The following PUS7 variants were observed in gnomAD, a reference collection of about 807,000 sequenced individuals.
PUS7 encodes pseudouridylate synthase 7 homolog.
In PUS7, 48 loss-of-function variants were observed where a neutral mutation model predicts 79.8. The observed-to-expected ratio is 0.60, with a 90% CI of 0.48 to 0.76. The LOEUF (loss-of-function observed/expected upper bound fraction) is 0.76. Among genes scored for constraint, PUS7 ranks in the 30% least tolerant of loss-of-function variants. The pLI is 0.00. For synonymous variants in PUS7, 286 were observed against 272.2 expected, an observed-to-expected ratio of 1.05 and a Z score of -0.50; for missense variants, 729 against 797.6, an observed-to-expected ratio of 0.91 and a Z score of 1.04.
At chr7:105,521,233 TGGGG>T (rs1025961955) in intron 1 of PUS7, among the ~76,000 whole-genome samples, 1 of 140,518 alleles carries the variant, frequency 7.1e-6, no homozygotes, top group Non-Finnish European at 1.6e-5. Flanking sequence ...GGCTTGGGGA[TGGGG>T]GGGAGGGAAC....
intron 1 of PUS7, among the ~76,000 whole-genome samples, chr7:105,518,970 G>A (rs1323488577): frequency 6.6e-6 from 1 of 151,776 alleles, no homozygotes; most frequent in Admixed American, 6.6e-5. Context: ...GGCTTTCACC[G>A]TGTTATCCAA....
intron 2 of PUS7, among the ~76,000 whole-genome samples, chr7:105,506,887 A>T (rs1825485930): frequency 6.6e-6 from 1 of 152,186 alleles, no homozygotes. Flanking sequence ...ACACTAAATT[A>T]AATCACAAAA....
At chr7:105,506,154 A>G in intron 3 of PUS7, 35 bp downstream of exon 3, 1 of 1,404,418 alleles carries the variant, frequency 7.1e-7, no homozygotes, top group Non-Finnish European at 1.0e-6. Flanking sequence ...CTATTTTTAT[A>G]CAGAAGGTGA....
chr7:105,508,871 TAAAA>T (rs34249093), intron 1 of PUS7, among the ~76,000 whole-genome samples: 5 of 22,926 alleles, frequency 2.2e-4, no homozygotes, highest in East Asian at 1.2e-3. Context: ...GACATTGTCT[TAAAA>T]AAAAAAAAAA....
At chr7:105,459,293 G>A in intron 14 of PUS7, 34 bp from the exon 15 acceptor site, 1 of 1,440,382 alleles carries the variant, frequency 6.9e-7, no homozygotes, top group Middle Eastern at 1.8e-4. Flanking sequence ...AAGTGTGAAT[G>A]TGAACTTTCA....
At chr7:105,505,481 T>C (rs1195162865) in intron 4 of PUS7, among the ~76,000 whole-genome samples, 3 of 152,238 alleles carry the variant, frequency 2.0e-5, no homozygotes, top group African/African-American at 7.2e-5. Context: ...GAATCTGACC[T>C]GGGTCACATA....
intron 2 of PUS7, among the ~76,000 whole-genome samples, chr7:105,506,909 G>T (rs1326901671): frequency 6.6e-6 from 1 of 152,122 alleles, no homozygotes; most frequent in Non-Finnish European, 1.5e-5. Context: ...ATGCTATATG[G>T]TTAATTGAAT....
At chr7:105,521,348 G>A (rs1826102845) in intron 1 of PUS7, among the ~76,000 whole-genome samples, 1 of 152,208 alleles carries the variant, frequency 6.6e-6, no homozygotes, top group South Asian at 2.1e-4. Flanking sequence ...GGCAGGCAAC[G>A]AAGGTGTGCT....
At chr7:105,468,953 G>A (rs1045508696) in intron 11 of PUS7, among the ~76,000 whole-genome samples, 7 of 152,142 alleles carry the variant, frequency 4.6e-5, no homozygotes, top group Admixed American at 4.6e-4. Flanking sequence ...CCAGGCTGGA[G>A]TGCAGTGGCA....
intron 1 of PUS7, among the ~76,000 whole-genome samples, chr7:105,514,815 G>A (rs1020265907): frequency 8.8e-5 from 13 of 147,022 alleles, no homozygotes; most frequent in Non-Finnish European, 1.5e-4. Flanking sequence ...TTTTTGAGAC[G>A]GAGTCTCGCT....
Position 105,485,947 on chromosome 7 carries a change from A to AC in PUS7, c.921-3508dup, listed in dbSNP as rs35037608. On this transcript the variant is annotated intron_variant, in intron 7 of 15. Transcript: ENST00000469408. ...GAAGCTGGGACTACCGGCATGCACC[A>AC]CCATGCCTGCCCACCCTGGCCTCCG... Among the ~76,000 whole-genome samples, 306 of 151,898 alleles carry AC rather than the reference A, an allele frequency of 2.0e-3. 5 individuals carry two copies. Among genetic ancestry groups the AC allele is most frequent in the Non-Finnish European group, 1.0e-3 (69 of 67,942 alleles).
chr7:105,499,804 TA>T (rs554373030), intron 5 of PUS7, among the ~76,000 whole-genome samples: 1,864 of 151,412 alleles, frequency 0.012, 38 homozygotes, highest in African/African-American at 0.042. Context: ...GTAATACAGC[TA>T]AAAAAAAACT....
At chr7:105,470,936 T>G (rs1017322767) in intron 10 of PUS7, 88 bp from the exon 11 acceptor site, 1 of 1,356,362 alleles carries the variant, frequency 7.4e-7, no homozygotes, top group Non-Finnish European at 9.8e-7. Flanking sequence ...AACACAAAAT[T>G]AGAAAATGCT....
chr7:105,500,729 A>T (rs761033445), intron 5 of PUS7, among the ~76,000 whole-genome samples: 6 of 152,172 alleles, frequency 3.9e-5, no homozygotes, highest in Non-Finnish European at 7.4e-5. Flanking sequence ...TCTCCTCTCC[A>T]TCTACAGTAG....
Position 105,508,467 on chromosome 7 carries a change from G to A in PUS7, c.46C>T (p.Leu16=), listed in dbSNP as rs776126568. 1.9e-6 allele frequency: 3 copies of A among 1,613,930 alleles called. No individual in the cohort carries two copies. The highest frequency in any genetic ancestry group is 1.7e-6 in the Non-Finnish European group (2 of 1,180,030). Residue 16 remains leucine (L), a synonymous_variant, in exon 2 of 16, where the codon CTG becomes TTG. Coordinates refer to ENST00000469408, the MANE Select transcript of PUS7 (RefSeq NM_019042.5). ...MTGVSLKRGA[L]VVEDNDSGVP... is the part of the protein sequence containing the mutation. ...CCACTGTCATTATCTTCGACAACCA[G>A]TGCCCCACGTTTCAGCGACACACCA...
At chr7:105,495,052 C>A in intron 6 of PUS7, 90 bp downstream of exon 6, 1 of 651,446 alleles carries the variant, frequency 1.5e-6, no homozygotes, top group Non-Finnish European at 2.7e-6. Flanking sequence ...GTAATCTGTG[C>A]TCCTCCTGCT....
Position 105,504,070 on chromosome 7 carries a change from C to CTTTT in PUS7, c.586-1510_586-1507dup, listed in dbSNP as rs11455671. ...CTGCTACTGGCTAAACTTGATGACA[C>CTTTT]TTTTTTTTTTTTTTTTGAGACACAG... On this transcript the variant is annotated intron_variant, in intron 4 of 15. Coordinates refer to ENST00000469408, the MANE Select transcript of PUS7 (RefSeq NM_019042.5). 5.1e-4 allele frequency among the ~76,000 whole-genome samples: 70 copies of CTTTT among 137,004 alleles called. 1 individual carries two copies. The highest frequency in any genetic ancestry group is 7.7e-4 in the Non-Finnish European group (49 of 63,708). 89.9% of individuals were successfully genotyped at this position (137,004 alleles called of 152,430 possible).
intron 1 of PUS7, among the ~76,000 whole-genome samples, chr7:105,510,478 TAACTC>T (rs1245936010): frequency 6.6e-6 from 1 of 152,138 alleles, no homozygotes; most frequent in African/African-American, 2.4e-5. Context: ...TGAATACACT[TAACTC>T]TACTGAACTG....
rs527240411 is a variant in PUS7, at chr7:105,514,590, C to T, written c.-32-6046G>A. Among the ~76,000 whole-genome samples the T allele has an allele frequency of 4.0e-5, 6 of 151,514 alleles. No individual in the cohort carries two copies. In the East Asian group the frequency reaches 9.8e-4, roughly 25 times the overall value. On this transcript the variant is annotated intron_variant, in intron 1 of 15. Transcript: ENST00000469408. The stretch of plus-strand genomic sequence containing the variant: ...CTGTACTCCAGCCTGGGTGACAGAG[C>T]GAGACTCCATCTCAAAAAAAAGAAA...
Sources: gnomAD v4.1 joint callset for allele counts (sites outside exome capture counted in the v4.1 genomes callset) on GRCh38, gnomAD v4.1.1 for gene constraint, MANE v1.5 for transcripts, NCBI Gene and HGNC (gene_info 2026-07-23, HGNC 2026-07-21) for gene names.